TLL2: variants seen among roughly 807,000 people sequenced by gnomAD.
TLL2 encodes tolloid like 2.
Under a neutral mutation model 123.0 loss-of-function variants are expected in TLL2, and 106 were observed. The ratio of observed to expected loss-of-function variants is 0.86; its 90% CI spans 0.74 to 1.01. The LOEUF (loss-of-function observed/expected upper bound fraction) is 1.01. Among genes scored for constraint, TLL2 ranks in the 50% least tolerant of loss-of-function variants. The pLI is 0.00. For missense variants in TLL2, 1,332 were observed against 1,336.7 expected (o/e 1.00, Z 0.06); for synonymous variants, 494 against 516.8 (o/e 0.96, Z 0.60).
chr10:96,504,440 T>C (rs1385042643), intron 1 of TLL2, among the ~76,000 whole-genome samples: 1 of 152,082 alleles, frequency 6.6e-6, no homozygotes, highest in East Asian at 1.9e-4. Context: ...CGAAACTCCA[T>C]CTCTACTAAA....
intron 2 of TLL2, among the ~76,000 whole-genome samples, chr10:96,459,295 A>T (rs1355135109): frequency 6.6e-6 from 1 of 152,160 alleles, no homozygotes; most frequent in Non-Finnish European, 1.5e-5. Flanking sequence ...TCAAAAAATC[A>T]AGAGCAAGGG....
rs758145340 is a variant in TLL2, at chr10:96,410,396, T to A, written c.1127A>T (p.His376Leu). 40 of 1,613,622 alleles carry A rather than the reference T, an allele frequency of 2.5e-5. No homozygotes were observed. Among genetic ancestry groups the A allele is most frequent in the Middle Eastern group, 1.7e-4 (1 of 5,882 alleles). ...GFPNGYPSYS[H>L]CVWRISVTPG... ...GGTGACCGAGATCCTCCAGACGCAG[T>A]GGGAGTAAGATGGGTACCCATTTGG... is the stretch of plus-strand genomic sequence containing the variant. Residue 376 changes from histidine (H) to leucine (L), a missense_variant, in exon 9 of 21, where the codon CAC becomes CTC. By Grantham distance (99) the His-to-Leu change is moderately conservative. Coordinates refer to ENST00000357947, the MANE Select transcript of TLL2 (RefSeq NM_012465.4).
At chr10:96,491,003 G>C (rs781300136) in intron 1 of TLL2, among the ~76,000 whole-genome samples, 1 of 152,154 alleles carries the variant, frequency 6.6e-6, no homozygotes. Context: ...CTCTGTGTTC[G>C]ACATGGCTGT....
intron 16 of TLL2, among the ~76,000 whole-genome samples, chr10:96,382,744 T>G (rs1846197293): frequency 6.6e-6 from 1 of 152,234 alleles, no homozygotes; most frequent in Non-Finnish European, 1.5e-5. Flanking sequence ...ATGTTCCCCC[T>G]TGATTTTGGA....
intron 2 of TLL2, among the ~76,000 whole-genome samples, chr10:96,453,806 C>G (rs1026420708): frequency 1.3e-5 from 2 of 151,866 alleles, no homozygotes. Context: ...AAAAACATGC[C>G]GAAAAAATGC....
intron 15 of TLL2, 23 bp downstream of exon 15, chr10:96,386,032 T>G: frequency 6.4e-7 from 1 of 1,553,450 alleles, no homozygotes; most frequent in Non-Finnish European, 8.7e-7. Context: ...CAGTCCCCAA[T>G]CAATTAGAGC....
chr10:96,391,177 C>T (rs1846284187), intron 13 of TLL2, among the ~76,000 whole-genome samples: 1 of 152,174 alleles, frequency 6.6e-6, no homozygotes, highest in Non-Finnish European at 1.5e-5. Context: ...GATGCCCACT[C>T]CACCAGCAGG....
chr10:96,432,674 G>A (rs1846756227), intron 4 of TLL2, 133 bp downstream of exon 4: 2 of 1,136,348 alleles, frequency 1.8e-6, no homozygotes, highest in African/African-American at 3.1e-5. Context: ...GGCAAGAGGG[G>A]GGCATCATCT....
intron 1 of TLL2, among the ~76,000 whole-genome samples, chr10:96,492,395 G>A (rs548049403): frequency 6.6e-6 from 1 of 152,184 alleles, no homozygotes; most frequent in Non-Finnish European, 1.5e-5. Flanking sequence ...AGGCCGAGGT[G>A]GGTGGGTCAC....
chr10:96,480,602 GA>G (rs1847303366), intron 1 of TLL2, 143 bp from the exon 2 acceptor site: 3 of 673,740 alleles, frequency 4.5e-6, no homozygotes, highest in Non-Finnish European at 8.0e-6. Flanking sequence ...TTGAGCCTAA[GA>G]GATAGGGCTG....
chr10:96,405,332 G>A lies in TLL2; in HGVS notation c.1167C>T (p.Ile389=), dbSNP rs750980999. 1.4e-5 allele frequency: 23 copies of A among 1,613,684 alleles called. No homozygotes were observed. The highest frequency in any genetic ancestry group is 1.6e-4 in the Middle Eastern group (1 of 6,082). The change falls in exon 10 of 21, where the codon ATC becomes ATT. Residue 389 remains isoleucine, a splice_region_variant and synonymous_variant. Transcript: ENST00000357947. The part of the protein sequence containing the change: ...WRISVTPGEK[I]VLNFTSMDLF... Reference sequence around the variant, plus strand: ...AATCCATGGATGTGAAGTTTAATACGATCTGTAAAGAATTACCATAAAGTG... The same window carrying A: ...AATCCATGGATGTGAAGTTTAATACAATCTGTAAAGAATTACCATAAAGTG...
At chr10:96,410,625 T>C (rs1846492386) in intron 8 of TLL2, 151 bp from the exon 9 acceptor site, 1 of 713,472 alleles carries the variant, frequency 1.4e-6, no homozygotes, top group Non-Finnish European at 2.6e-6. Flanking sequence ...GATTGATGTT[T>C]TCTGGCTAAC....
intron 2 of TLL2, among the ~76,000 whole-genome samples, chr10:96,457,695 G>C (rs1170360183): frequency 2.0e-5 from 3 of 152,150 alleles, no homozygotes; most frequent in African/African-American, 4.8e-5. Context: ...GAAATGCTTG[G>C]GGGGTAGGAT....
chr10:96,476,240 A>ATATATATATTTTTTTTT, intron 2 of TLL2, among the ~76,000 whole-genome samples: 3 of 20,498 alleles, frequency 1.5e-4, no homozygotes, highest in South Asian at 3.5e-3. Flanking sequence ...ATATATATAT[A>ATATATATATTTTTTTTT]TTTTATTTTT....
intron 16 of TLL2, 79 bp from the exon 17 acceptor site, chr10:96,379,171 G>A (rs1302468966): frequency 6.4e-7 from 1 of 1,558,474 alleles, no homozygotes; most frequent in African/African-American, 1.3e-5. Flanking sequence ...CCACTTAAAA[G>A]TGGCCTCCTC....
chr10:96,402,151 T>C (rs1846403460), intron 10 of TLL2, among the ~76,000 whole-genome samples: 1 of 152,226 alleles, frequency 6.6e-6, no homozygotes, highest in Admixed American at 6.5e-5. Context: ...TTTTTATTAT[T>C]TCATTATAGA....
At chr10:96,455,057 T>C (rs983351358) in intron 2 of TLL2, among the ~76,000 whole-genome samples, 13 of 151,976 alleles carry the variant, frequency 8.6e-5, no homozygotes, top group African/African-American at 3.1e-4. Context: ...CAATGTGAGA[T>C]ATCAAATAGC....
chr10:96,396,875 T>C (rs1277029297), intron 11 of TLL2, among the ~76,000 whole-genome samples: 1 of 152,186 alleles, frequency 6.6e-6, no homozygotes, highest in Non-Finnish European at 1.5e-5. Flanking sequence ...CTGCTATCAT[T>C]TCCACAGGGT....
intron 2 of TLL2, among the ~76,000 whole-genome samples, chr10:96,466,690 G>A (rs1284711539): frequency 6.6e-6 from 1 of 152,228 alleles, no homozygotes; most frequent in Non-Finnish European, 1.5e-5. Context: ...GAGCCCACTA[G>A]TGGGTCTCTG....
Sources: allele counts gnomAD v4.1 joint callset (sites outside exome capture counted in the v4.1 genomes callset), GRCh38; gene constraint gnomAD v4.1.1; transcripts MANE v1.5; gene names NCBI Gene and HGNC (gene_info 2026-07-23, HGNC 2026-07-21).